Variants in APBB2 observed in about 807,000 individuals in gnomAD.
The protein encoded by APBB2 is Fe65-like 1.
In APBB2, 38 loss-of-function variants were observed where a neutral mutation model predicts 82.5. The ratio of observed to expected loss-of-function variants is 0.46; its 90% CI spans 0.36 to 0.60. APBB2 has a LOEUF of 0.60. APBB2 is among the 20% of genes least tolerant of loss of function. The probability of loss-of-function intolerance (pLI) is 0.00; values close to 1 mark genes in which losing one functional copy is unlikely to be tolerated. For synonymous variants in APBB2, 341 were observed against 368.2 expected (o/e 0.93, Z 0.85); for missense variants, 772 against 972.3 (o/e 0.79, Z 2.74).
intron 2 of APBB2, among the ~76,000 whole-genome samples, chr4:41,133,048 C>T (rs904588093): frequency 6.6e-6 from 1 of 151,914 alleles, no homozygotes; most frequent in South Asian, 2.1e-4. Context: ...AATGCATACA[C>T]CAGCATATAT....
At chr4:41,116,215 C>T (rs1216684564) in intron 2 of APBB2, among the ~76,000 whole-genome samples, 1 of 152,086 alleles carries the variant, frequency 6.6e-6, no homozygotes, top group Non-Finnish European at 1.5e-5. Context: ...AACACAGGAA[C>T]AGAAAACCAA....
chr4:41,043,903 G>A (rs1430711810), intron 4 of APBB2, among the ~76,000 whole-genome samples: 3 of 152,138 alleles, frequency 2.0e-5, no homozygotes, highest in Admixed American at 1.3e-4. Context: ...GAATTTTGGT[G>A]GTGCATGTTT....
chr4:40,817,253 C>T lies in APBB2; in HGVS notation c.2113-994G>A, dbSNP rs1746065888. Among the ~76,000 whole-genome samples the T allele has an allele frequency of 2.0e-5, 3 of 151,862 alleles. 1 individual carries two copies. In the South Asian group the frequency reaches 6.2e-4, roughly 32 times the overall value. ...TGAAACCGTGTCTCTACAAAAAATA[C>T]AAAAATTAGCCAGGTGTGGTGGCAC... On this transcript the variant is annotated intron_variant, in intron 17 of 17. Coordinates refer to ENST00000508593, the MANE Select transcript of APBB2 (RefSeq NM_004307.2).
At chr4:40,991,706 A>G (rs144921591) in intron 6 of APBB2, among the ~76,000 whole-genome samples, 41 of 152,156 alleles carry the variant, frequency 2.7e-4, no homozygotes, top group Non-Finnish European at 4.7e-4. Context: ...TAAAACAGAC[A>G]CACTTGTTAA....
chr4:40,890,184 G>A, intron 12 of APBB2, 180 bp downstream of exon 12: 1 of 732,474 alleles, frequency 1.4e-6, no homozygotes. Flanking sequence ...AACCAGGAAG[G>A]GAAGCAGTTT....
intron 7 of APBB2, among the ~76,000 whole-genome samples, chr4:40,938,754 A>T (rs1786032135): frequency 6.6e-6 from 1 of 152,234 alleles, no homozygotes; most frequent in South Asian, 2.1e-4. Flanking sequence ...AACATTCCAC[A>T]GTGGCAGTGA....
intron 12 of APBB2, among the ~76,000 whole-genome samples, chr4:40,837,126 C>T (rs943671615): frequency 1.3e-5 from 2 of 152,238 alleles, no homozygotes; most frequent in African/African-American, 4.8e-5. Context: ...GTGTTCCTGA[C>T]AGACTGTGCA....
chr4:41,112,282 C>A (rs1025385036), intron 2 of APBB2, among the ~76,000 whole-genome samples: 1 of 152,216 alleles, frequency 6.6e-6, no homozygotes, highest in African/African-American at 2.4e-5. Flanking sequence ...AAGTTATATT[C>A]CCTCAGTCGT....
intron 1 of APBB2, among the ~76,000 whole-genome samples, chr4:41,168,754 T>C (rs1449751195): frequency 1.3e-5 from 2 of 152,194 alleles, no homozygotes; most frequent in Non-Finnish European, 2.9e-5. Context: ...GTTAGGAAGA[T>C]TACCTTTACT....
At chr4:40,954,422 G>C (rs7679154) in intron 6 of APBB2, among the ~76,000 whole-genome samples, 33,212 of 151,970 alleles carry the variant, frequency 0.22, 3,922 homozygotes, top group African/African-American at 0.28. Flanking sequence ...TTCAACAAAT[G>C]CTTCCTGTCT....
chr4:41,170,581 A>G (rs564703187), intron 1 of APBB2, among the ~76,000 whole-genome samples: 1 of 152,370 alleles, frequency 6.6e-6, no homozygotes, highest in South Asian at 2.1e-4. Flanking sequence ...ACTCTTCAGA[A>G]AAGTCAAGGT....
intron 2 of APBB2, among the ~76,000 whole-genome samples, chr4:41,134,067 C>G (rs1245919920): frequency 6.6e-6 from 1 of 152,134 alleles, no homozygotes; most frequent in Non-Finnish European, 1.5e-5. Flanking sequence ...ACCTCCTGGG[C>G]TCAAGTGGTC....
chr4:40,850,786 T>G (rs144359613), intron 12 of APBB2, among the ~76,000 whole-genome samples: 3 of 152,072 alleles, frequency 2.0e-5, no homozygotes, highest in African/African-American at 7.2e-5. Context: ...TAAAAAAAAT[T>G]TTTTTAAATA....
intron 3 of APBB2, chr4:41,084,624 A>G (rs554647325): frequency 1.3e-5 from 2 of 152,232 alleles, no homozygotes; most frequent in Admixed American, 6.5e-5. Flanking sequence ...CTTTGACAGC[A>G]CATATACTAA....
chr4:40,864,330 A>G (rs1763531390), intron 12 of APBB2, among the ~76,000 whole-genome samples: 2 of 152,262 alleles, frequency 1.3e-5, no homozygotes, highest in South Asian at 2.1e-4. Flanking sequence ...GGAGGACTCT[A>G]TAACGTATAT....
intron 5 of APBB2, among the ~76,000 whole-genome samples, 162 bp downstream of exon 5, chr4:41,033,074 C>T (rs1165597398): frequency 2.0e-5 from 3 of 151,994 alleles, no homozygotes; most frequent in African/African-American, 4.8e-5. Flanking sequence ...TGAGCCACCG[C>T]GCCCGGCCAA....
intron 1 of APBB2, among the ~76,000 whole-genome samples, chr4:41,145,389 C>T (rs981661901): frequency 1.1e-4 from 16 of 152,164 alleles, no homozygotes; most frequent in African/African-American, 3.6e-4. Context: ...CCACTTTGAC[C>T]AAGTGCTCTT....
intron 12 of APBB2, among the ~76,000 whole-genome samples, chr4:40,883,228 GAGA>G (rs60085819): frequency 0.24 from 36,062 of 152,010 alleles, 4,733 homozygotes; most frequent in Admixed American, 0.31. Flanking sequence ...AGGCTGAGGT[GAGA>G]AGATCACTTG....
At chr4:41,161,400 A>G (rs1560919438) in intron 1 of APBB2, among the ~76,000 whole-genome samples, 1 of 152,204 alleles carries the variant, frequency 6.6e-6, no homozygotes, top group East Asian at 1.9e-4. Flanking sequence ...TGAGCCCGGG[A>G]GTTCAAGACT....
Sources: gnomAD v4.1 joint callset for allele counts (sites outside exome capture counted in the v4.1 genomes callset) on GRCh38, gnomAD v4.1.1 for gene constraint, MANE v1.5 for transcripts, NCBI Gene and HGNC (gene_info 2026-07-23, HGNC 2026-07-21) for gene names.